Variants in PTPRG observed in about 807,000 individuals in gnomAD.
PTPRG encodes protein tyrosine phosphatase receptor type G.
In PTPRG, 102 loss-of-function variants were observed where a neutral mutation model predicts 165.3. The ratio of observed to expected loss-of-function variants is 0.62; its 90% CI spans 0.53 to 0.73. The LOEUF is 0.73. Ranked by LOEUF, PTPRG falls within the 30% of genes least tolerant of loss-of-function variation. The pLI is 0.00. For missense variants in PTPRG, 1,866 were observed against 1,861.4 expected (o/e 1.00, Z -0.05); for synonymous variants, 675 against 669.5 (o/e 1.01, Z -0.13).
chr3:62,203,157 G>T lies in PTPRG; in HGVS notation c.1378-16G>T, dbSNP rs764845784. 1 of 1,556,060 alleles carries T rather than the reference G, an allele frequency of 6.4e-7. No individual in the cohort carries two copies. Among genetic ancestry groups the T allele is most frequent in the Non-Finnish European group, 8.7e-7 (1 of 1,148,712 alleles). On this transcript the variant is annotated splice_polypyrimidine_tract_variant and intron_variant, in intron 11 of 29. Transcript: ENST00000474889. This position sits in a 1 kb window ranked among gnomAD's most constrained non-coding sequence, Gnocchi z 6.4. Reference sequence around the variant, plus strand: ...CTTCTGCCTCTTTTCCACCCTTGCCGGGTGACCCTTTCCAGCCCACAGCGT... The same window carrying T: ...CTTCTGCCTCTTTTCCACCCTTGCCTGGTGACCCTTTCCAGCCCACAGCGT...
At chr3:61,831,510 C>T (rs2036294182) in intron 2 of PTPRG, among the ~76,000 whole-genome samples, 1 of 152,136 alleles carries the variant, frequency 6.6e-6, no homozygotes, top group South Asian at 2.1e-4. Context: ...TGTTACTTCT[C>T]TTGCTTGATG....
chr3:61,743,846 A>G (rs1476453919), intron 1 of PTPRG, among the ~76,000 whole-genome samples: 8 of 152,226 alleles, frequency 5.3e-5, no homozygotes, highest in Non-Finnish European at 7.3e-5. Context: ...TTTCATAAGC[A>G]TGCTCCATTT....
Position 61,712,074 on chromosome 3 carries a change from A to G in PTPRG, c.86-36804A>G, listed in dbSNP as rs1290369879. On this transcript the variant is annotated intron_variant, in intron 1 of 29. Coordinates refer to ENST00000474889, the MANE Select transcript of PTPRG (RefSeq NM_002841.4). ...ATGCCCAGTTAATTTTTGTATTTTT[A>G]GTAGAGACGGGGTTTCGCCATGTTG... is the stretch of plus-strand genomic sequence containing the variant. 3.9e-5 allele frequency among the ~76,000 whole-genome samples: 6 copies of G among 152,024 alleles called. No homozygotes were observed. In the East Asian group the frequency reaches 1.2e-3, roughly 29 times the overall value.
intron 1 of PTPRG, among the ~76,000 whole-genome samples, chr3:61,719,493 G>A (rs2031957579): frequency 6.6e-6 from 1 of 152,158 alleles, no homozygotes; most frequent in Non-Finnish European, 1.5e-5. Context: ...CCCACTGCCA[G>A]TTTTCCTCTG....
chr3:61,869,539 C>G (rs1325099311), intron 2 of PTPRG, among the ~76,000 whole-genome samples: 1 of 152,022 alleles, frequency 6.6e-6, no homozygotes, highest in African/African-American at 2.4e-5. Context: ...TCCAGAATCC[C>G]TGGATGCCAT....
chr3:62,099,292 G>A (rs962043599), intron 5 of PTPRG, among the ~76,000 whole-genome samples: 2 of 152,102 alleles, frequency 1.3e-5, no homozygotes, highest in African/African-American at 4.8e-5. Flanking sequence ...CCCTTACTGT[G>A]GAATGTCATT....
chr3:61,995,303 G>A (rs9860618), intron 3 of PTPRG, among the ~76,000 whole-genome samples: 20,427 of 151,724 alleles, frequency 0.13, 2,018 homozygotes, highest in African/African-American at 0.28. Context: ...TGGCCAGGCT[G>A]GTCTCAAACT....
At chr3:62,033,368 T>G (rs1204553727) in intron 4 of PTPRG, among the ~76,000 whole-genome samples, 14 of 150,018 alleles carry the variant, frequency 9.3e-5, no homozygotes, top group Admixed American at 6.6e-4. Flanking sequence ...TACATTTTTT[T>G]TTTTTTTTTT....
intron 1 of PTPRG, among the ~76,000 whole-genome samples, chr3:61,613,006 G>A (rs529987320): frequency 2.0e-5 from 3 of 152,220 alleles, no homozygotes; most frequent in South Asian, 2.1e-4. Context: ...CACCTTCGAC[G>A]AGAAATGCTT....
At chr3:61,864,399 G>A (rs1254084704) in intron 2 of PTPRG, among the ~76,000 whole-genome samples, 1 of 152,138 alleles carries the variant, frequency 6.6e-6, no homozygotes, top group Non-Finnish European at 1.5e-5. Flanking sequence ...AGGGGACAGT[G>A]CTTCTCCTTG....
chr3:61,579,412 A>G (rs1700233806), intron 1 of PTPRG, among the ~76,000 whole-genome samples: 2 of 152,162 alleles, frequency 1.3e-5, no homozygotes, highest in Non-Finnish European at 2.9e-5. Context: ...CTATTCCGAC[A>G]CGTGTTTTTT....
chr3:61,825,831 G>C (rs553674684), intron 2 of PTPRG, among the ~76,000 whole-genome samples: 4 of 145,060 alleles, frequency 2.8e-5, no homozygotes, highest in Non-Finnish European at 4.6e-5. Flanking sequence ...GTTGTTGTTT[G>C]GTAGAAATGA....
At chr3:62,276,905 G>C (rs769797605) in intron 24 of PTPRG, 67 bp from the exon 25 acceptor site, 6 of 1,219,580 alleles carry the variant, frequency 4.9e-6, no homozygotes, top group African/African-American at 3.0e-5. Context: ...GCAAATCTCA[G>C]AAAGAGCTGT....
At chr3:61,689,958 G>A (rs933612244) in intron 1 of PTPRG, among the ~76,000 whole-genome samples, 60 of 152,306 alleles carry the variant, frequency 3.9e-4, no homozygotes, top group African/African-American at 1.3e-3. Context: ...GTTAGAAATA[G>A]TGTTCCTCTC....
chr3:62,140,691 AC>A (rs1576053834), intron 6 of PTPRG, among the ~76,000 whole-genome samples: 1 of 152,016 alleles, frequency 6.6e-6, no homozygotes, highest in East Asian at 1.9e-4. Flanking sequence ...TACTAAAAAT[AC>A]AAAAATTAGC....
At chr3:61,855,373 C>G (rs1482752984) in intron 2 of PTPRG, among the ~76,000 whole-genome samples, 1 of 152,166 alleles carries the variant, frequency 6.6e-6, no homozygotes, top group Non-Finnish European at 1.5e-5. Flanking sequence ...TTAATCTCCT[C>G]TAGACTTTCA....
chr3:61,683,714 T>A (rs891702331), intron 1 of PTPRG, among the ~76,000 whole-genome samples: 1 of 152,246 alleles, frequency 6.6e-6, no homozygotes, highest in Non-Finnish European at 1.5e-5. Context: ...GACTTATGAC[T>A]TCACCGTCAC....
At chr3:62,047,246 A>G (rs922496837) in intron 4 of PTPRG, among the ~76,000 whole-genome samples, 2 of 62,990 alleles carry the variant, frequency 3.2e-5, no homozygotes, top group South Asian at 4.4e-4. Flanking sequence ...TGAGCTTCCT[A>G]TTATTTATTT....
intron 2 of PTPRG, among the ~76,000 whole-genome samples, chr3:61,956,800 A>G (rs1490624404): frequency 6.6e-6 from 1 of 152,208 alleles, no homozygotes; most frequent in Non-Finnish European, 1.5e-5. Flanking sequence ...GTTATGTGAC[A>G]TGCAGGGAGG....
Sources: gnomAD v4.1 joint callset for allele counts (sites outside exome capture counted in the v4.1 genomes callset) on GRCh38, gnomAD v4.1.1 for gene constraint, Gnocchi (gnomAD v3.1) non-coding constraint, MANE v1.5 for transcripts, NCBI Gene and HGNC (gene_info 2026-07-23, HGNC 2026-07-21) for gene names.